Variants in PIP5K1C observed in about 807,000 individuals in gnomAD.
PIP5K1C encodes the protein phosphatidylinositol 4-phosphate 5-kinase type-1 gamma.
In PIP5K1C, 45 loss-of-function variants were observed where a neutral mutation model predicts 80.1. The observed-to-expected ratio is 0.56, with a 90% CI of 0.44 to 0.72. PIP5K1C has a LOEUF of 0.72. PIP5K1C is among the 30% of genes least tolerant of loss of function. The pLI is 0.00. For synonymous variants in PIP5K1C, 498 were observed against 420.1 expected, an observed-to-expected ratio of 1.19 and a Z score of -2.27; for missense variants, 753 against 954.6, an observed-to-expected ratio of 0.79 and a Z score of 2.78.
chr19:3,671,496 AG>A (rs1391084707), intron 1 of PIP5K1C, among the ~76,000 whole-genome samples: 1 of 152,204 alleles, frequency 6.6e-6, no homozygotes, highest in African/African-American at 2.4e-5. Flanking sequence ...GGAGAGGGGC[AG>A]GCGGCTCGGG....
chr19:3,681,068 G>A (rs1182972962), intron 1 of PIP5K1C, among the ~76,000 whole-genome samples: 2 of 151,980 alleles, frequency 1.3e-5, no homozygotes, highest in Non-Finnish European at 2.9e-5. Flanking sequence ...GTAGAATCTC[G>A]CCCCTGTTCG....
At chr19:3,687,361 CA>C (rs1162579954) in intron 1 of PIP5K1C, among the ~76,000 whole-genome samples, 1 of 151,878 alleles carries the variant, frequency 6.6e-6, no homozygotes, top group Non-Finnish European at 1.5e-5. Context: ...GACTCAGTCT[CA>C]AAAAGAAAAG....
At chr19:3,684,037 C>T (rs544291080) in intron 1 of PIP5K1C, among the ~76,000 whole-genome samples, 5 of 152,030 alleles carry the variant, frequency 3.3e-5, no homozygotes, top group Admixed American at 1.3e-4. Context: ...GCAGCAGGCC[C>T]GGCCCCCAGC....
rs189273187 is a variant in PIP5K1C, at chr19:3,693,091, G to T, written c.94+7206C>A. 3.0e-3 allele frequency among the ~76,000 whole-genome samples: 455 copies of T among 152,128 alleles called. 2 individuals carry two copies. The highest frequency in any genetic ancestry group is 0.01 in the African/African-American group (420 of 41,490). On this transcript the variant is annotated intron_variant, in intron 1 of 17. Transcript: ENST00000335312. ...CTTTTCTTTGCTGTCTGTATGTCCTGGCCCCACTCCCAGAGTTCCTTAGGG... is the reference window on the plus strand; with the variant it reads ...CTTTTCTTTGCTGTCTGTATGTCCTTGCCCCACTCCCAGAGTTCCTTAGGG...
Position 3,696,956 on chromosome 19 carries a change from A to AAGGAGGACTGAGCTGGACCG in PIP5K1C, c.94+3321_94+3340dup, listed in dbSNP as rs1182653637. On this transcript the variant is annotated intron_variant, in intron 1 of 17. Transcript: ENST00000335312. This position sits in a 1 kb window ranked among gnomAD's most constrained non-coding sequence, Gnocchi z 4.1. ...GGCGCCAGGCCTGGCTCAGGGGGCA[A>AAGGAGGACTGAGCTGGACCG]AGGAGGACTGAGCTGGACCGAGGAG... Among the ~76,000 whole-genome samples the AAGGAGGACTGAGCTGGACCG allele has an allele frequency of 3.3e-5, 5 of 152,136 alleles. No individual in the cohort carries two copies. The highest frequency in any genetic ancestry group is 6.5e-5 in the Admixed American group (1 of 15,272).
intron 6 of PIP5K1C, among the ~76,000 whole-genome samples, chr19:3,653,904 C>T (rs1049608347): frequency 1.3e-5 from 2 of 152,228 alleles, no homozygotes; most frequent in Non-Finnish European, 2.9e-5. Context: ...TGGCTGGGCT[C>T]GCCTGTTGGG....
chr19:3,632,207 C>T lies in PIP5K1C; in HGVS notation c.*960G>A, dbSNP rs985144058. ...GTCCTGAAGGAGACTCCTGTGGAGC[C>T]GGGCCTGGCCCCCTAGGCCATGTCT... is the stretch of plus-strand genomic sequence containing the variant. On this transcript the variant is annotated 3_prime_UTR_variant, in exon 18 of 18. Coordinates refer to ENST00000335312, the MANE Select transcript of PIP5K1C (RefSeq NM_012398.3). 17 of 152,422 alleles carry T rather than the reference C, an allele frequency of 1.1e-4. No homozygotes were observed. The highest frequency in any genetic ancestry group is 4.1e-4 in the African/African-American group (17 of 41,594). The allele number at this position is 152,422 out of a possible 1,614,324, so 9.4% of individuals were successfully genotyped here. A position where few individuals can be genotyped will look rare whatever the true frequency, so the allele number is the denominator to read the frequency against.
At chr19:3,647,488 G>C in intron 9 of PIP5K1C, 102 bp from the exon 10 acceptor site, 1 of 993,122 alleles carries the variant, frequency 1.0e-6, no homozygotes, top group South Asian at 1.4e-5. Context: ...CTGGGCCATG[G>C]CCTCAAGCAG....
intron 12 of PIP5K1C, 143 bp from the exon 13 acceptor site, chr19:3,643,524 C>G (rs1388937738): frequency 1.1e-6 from 1 of 939,316 alleles, no homozygotes; most frequent in Admixed American, 2.1e-5. Context: ...CCCCACACGG[C>G]AGGGAAGGAC....
chr19:3,653,730 G>T, intron 6 of PIP5K1C, 141 bp from the exon 7 acceptor site: 2 of 758,172 alleles, frequency 2.6e-6, no homozygotes, highest in South Asian at 3.7e-5. Context: ...CGGGGACCCC[G>T]TTCCTATGCA....
At chr19:3,644,277 C>A in intron 11 of PIP5K1C, 26 bp from the exon 12 acceptor site, 1 of 1,605,780 alleles carries the variant, frequency 6.2e-7, no homozygotes, top group South Asian at 1.1e-5. Flanking sequence ...GGGGTTGGTG[C>A]TTGGGGTTGC....
chr19:3,668,614 G>C (rs573440765), intron 1 of PIP5K1C, among the ~76,000 whole-genome samples: 1 of 152,322 alleles, frequency 6.6e-6, no homozygotes, highest in East Asian at 1.9e-4. Flanking sequence ...TCGGAGCCCT[G>C]AGGTGGGAAG....
intron 1 of PIP5K1C, among the ~76,000 whole-genome samples, chr19:3,679,839 G>A (rs1239036847): frequency 2.6e-5 from 4 of 152,256 alleles, no homozygotes; most frequent in South Asian, 4.1e-4. Flanking sequence ...CGCTGGGCAC[G>A]CATGGTGGAC....
intron 1 of PIP5K1C, among the ~76,000 whole-genome samples, chr19:3,697,096 GAGGAGGACCA>G (rs776832184): frequency 1.8e-4 from 27 of 150,362 alleles, no homozygotes; most frequent in Non-Finnish European, 3.6e-4. Flanking sequence ...GAGCTGGACC[GAGGAGGACCA>G]AGGAGGACCG....
chr19:3,664,673 C>T (rs2034950236), intron 3 of PIP5K1C, 149 bp downstream of exon 3: 2 of 756,358 alleles, frequency 2.6e-6, no homozygotes, highest in Non-Finnish European at 4.7e-6. Flanking sequence ...CTGAGGACTC[C>T]AGCCTCTGCC....
At chr19:3,644,880 C>T (rs535246623) in intron 11 of PIP5K1C, among the ~76,000 whole-genome samples, 1 of 152,216 alleles carries the variant, frequency 6.6e-6, no homozygotes, top group African/African-American at 2.4e-5. Flanking sequence ...ACCCACACAG[C>T]TCCTGGTAAA....
Position 3,637,541 on chromosome 19 carries a change from C to T in PIP5K1C, c.1920+1343G>A, listed in dbSNP as rs1223180675. On this transcript the variant is annotated intron_variant, in intron 16 of 17. Coordinates refer to ENST00000335312, the MANE Select transcript of PIP5K1C (RefSeq NM_012398.3). The surrounding 1 kb of genome is among the most constrained non-coding windows in gnomAD (Gnocchi z 7.0). The stretch of plus-strand genomic sequence containing the variant: ...GGCCGGCTGCGGTCACTTACAGTCC[C>T]CGAGGCGCTCAGCGTCACGGCCCGC... 3 of 1,535,304 alleles carry T rather than the reference C, an allele frequency of 2.0e-6. No homozygotes were observed. Among genetic ancestry groups the T allele is most frequent in the South Asian group, 2.4e-5 (2 of 84,026 alleles).
At chr19:3,634,271 G>A (rs182072708) in intron 16 of PIP5K1C, among the ~76,000 whole-genome samples, 20 of 152,168 alleles carry the variant, frequency 1.3e-4, no homozygotes, top group Admixed American at 8.5e-4. Context: ...CAACACCTCC[G>A]TCCCGCCTCC....
In PIP5K1C at chr19:3,673,546, C is replaced by A. The variant is rs142161854; in HGVS notation, c.95-6193G>T. ...GGGGGCCTGCACCCCTGGGTGGGGC[C>A]GCTGCCCAGAGGGCAACTGCTGGGC... On this transcript the variant is annotated intron_variant, in intron 1 of 17. Transcript: ENST00000335312. Among the ~76,000 whole-genome samples, 496 of 152,298 alleles carry A rather than the reference C, an allele frequency of 3.3e-3. 8 individuals carry two copies. The highest frequency in any genetic ancestry group is 4.2e-3 in the Non-Finnish European group (287 of 68,002).
Sources: gnomAD v4.1 joint callset for allele counts (sites outside exome capture counted in the v4.1 genomes callset) on GRCh38, gnomAD v4.1.1 for gene constraint, Gnocchi (gnomAD v3.1) non-coding constraint, MANE v1.5 for transcripts, NCBI Gene and HGNC (gene_info 2026-07-23, HGNC 2026-07-21) for gene names.